MARCHF1: variants seen among roughly 807,000 people sequenced by gnomAD.
MARCHF1 encodes membrane associated ring-CH-type finger 1, also known as E3 ubiquitin-protein ligase MARCHF1.
MARCHF1 carries 40 observed loss-of-function variants against 54.2 expected under a neutral mutation model. The observed-to-expected ratio is 0.74, with a 90% CI of 0.57 to 0.96. The LOEUF (loss-of-function observed/expected upper bound fraction) is 0.96, where lower values mean the gene tolerates loss of function less well. Ranked by LOEUF, MARCHF1 falls within the 40% of genes least tolerant of loss-of-function variation. The pLI, the probability that MARCHF1 is intolerant of heterozygous loss-of-function variation, is 0.00. For synonymous variants in MARCHF1, 236 were observed against 236.3 expected (o/e 1.00, Z 0.01); for missense variants, 586 against 656.5 (o/e 0.89, Z 1.17).
intron 4 of MARCHF1, among the ~76,000 whole-genome samples, chr4:163,822,303 A>G (rs2111057569): frequency 1.3e-5 from 2 of 152,076 alleles, no homozygotes; most frequent in Admixed American, 1.3e-4. Flanking sequence ...ACTTTGTGCA[A>G]CATGCATTCA....
chr4:163,734,036 A>G (rs1320820408), intron 4 of MARCHF1, among the ~76,000 whole-genome samples: 1 of 152,230 alleles, frequency 6.6e-6, no homozygotes, highest in African/African-American at 2.4e-5. Flanking sequence ...ACAGATGTCT[A>G]CTAAGCACAT....
intron 3 of MARCHF1, among the ~76,000 whole-genome samples, chr4:163,870,380 G>A (rs1750143950): frequency 6.6e-6 from 1 of 151,952 alleles, no homozygotes; most frequent in Non-Finnish European, 1.5e-5. Flanking sequence ...TTTAAGATAT[G>A]GACAAATAAG....
At chr4:164,002,673 T>C (rs1753209058) in intron 2 of MARCHF1, among the ~76,000 whole-genome samples, 1 of 151,810 alleles carries the variant, frequency 6.6e-6, no homozygotes, top group South Asian at 2.1e-4. Flanking sequence ...GAAAATTTTC[T>C]AAAATGTATG....
At chr4:163,881,189 A>G (rs551782437) in intron 3 of MARCHF1, among the ~76,000 whole-genome samples, 1 of 152,292 alleles carries the variant, frequency 6.6e-6, no homozygotes, top group African/African-American at 2.4e-5. Flanking sequence ...AAATTATCCA[A>G]CAAGGCCGGG....
At chr4:163,925,397 G>A (rs1391038058) in intron 3 of MARCHF1, among the ~76,000 whole-genome samples, 1 of 151,688 alleles carries the variant, frequency 6.6e-6, no homozygotes, top group Non-Finnish European at 1.5e-5. Flanking sequence ...ACTCCCAAGT[G>A]GAAATGCTCT....
Position 163,527,498 on chromosome 4 carries a change from C to CACA in MARCHF1, c.*1247_*1249dup, listed in dbSNP as rs1388547192. On this transcript the variant is annotated 3_prime_UTR_variant, in exon 10 of 10. Transcript: ENST00000514618. The stretch of plus-strand genomic sequence containing the variant: ...CTTCATAGTAACAATTTATTTATTT[C>CACA]ACAACTCTGCTATAGGCAGATTGAT... 4 of 144,030 alleles carry CACA rather than the reference C, an allele frequency of 2.8e-5. No individual in the cohort carries two copies. Among genetic ancestry groups the CACA allele is most frequent in the African/African-American group, 9.9e-5 (4 of 40,384 alleles). 8.9% of individuals were successfully genotyped at this position (144,030 alleles called of 1,614,324 possible).
intron 5 of MARCHF1, among the ~76,000 whole-genome samples, chr4:163,652,507 G>A (rs1201827612): frequency 2.0e-5 from 3 of 151,622 alleles, no homozygotes; most frequent in East Asian, 1.9e-4. Flanking sequence ...TCCAGCTCTC[G>A]GCAGAGTAGC....
At chr4:163,545,842 G>T in intron 8 of MARCHF1, 99 bp from the exon 9 acceptor site, 1 of 956,172 alleles carries the variant, frequency 1.0e-6, no homozygotes, top group Non-Finnish European at 1.6e-6. Context: ...AAGAAAAACA[G>T]TAAATATCTG....
At chr4:164,253,255 T>G (rs2111249658) in intron 1 of MARCHF1, among the ~76,000 whole-genome samples, 1 of 152,264 alleles carries the variant, frequency 6.6e-6, no homozygotes, top group Non-Finnish European at 1.5e-5. Flanking sequence ...TTGAGAAATC[T>G]TGAAATAGTT....
chr4:164,172,841 C>T (rs966890278), intron 1 of MARCHF1, among the ~76,000 whole-genome samples: 6 of 151,934 alleles, frequency 3.9e-5, no homozygotes, highest in Non-Finnish European at 8.8e-5. Context: ...GCCGGGCCCA[C>T]GTGGTGGCGG....
chr4:163,858,973 T>G (rs1579345983), intron 3 of MARCHF1, among the ~76,000 whole-genome samples: 3 of 152,154 alleles, frequency 2.0e-5, no homozygotes, highest in Admixed American at 2.0e-4. Flanking sequence ...GCAAGTAGGA[T>G]GTTAGGTGTC....
At chr4:163,833,693 G>A (rs1221486513) in intron 4 of MARCHF1, among the ~76,000 whole-genome samples, 2 of 152,100 alleles carry the variant, frequency 1.3e-5, no homozygotes, top group African/African-American at 2.4e-5. Flanking sequence ...CCCAGAGTAG[G>A]TGCTCTGGGA....
chr4:164,059,171 C>A (rs757290981), intron 2 of MARCHF1, among the ~76,000 whole-genome samples: 23 of 152,064 alleles, frequency 1.5e-4, no homozygotes, highest in Non-Finnish European at 2.8e-4. Flanking sequence ...CAGGATCTGC[C>A]TCAAAATATT....
intron 1 of MARCHF1, among the ~76,000 whole-genome samples, chr4:164,325,956 G>T (rs1034742685): frequency 2.6e-5 from 4 of 152,040 alleles, no homozygotes; most frequent in African/African-American, 9.7e-5. Flanking sequence ...GGCTATAACA[G>T]GCACTCAAGC....
chr4:163,756,251 C>A (rs1449672006), intron 4 of MARCHF1, among the ~76,000 whole-genome samples: 1 of 152,018 alleles, frequency 6.6e-6, no homozygotes, highest in Admixed American at 6.6e-5. Context: ...AGAATGTAAT[C>A]CTATTTGTTT....
At chr4:163,567,643 G>A (rs1054414202) in intron 8 of MARCHF1, among the ~76,000 whole-genome samples, 6 of 152,114 alleles carry the variant, frequency 3.9e-5, no homozygotes, top group African/African-American at 1.2e-4. Flanking sequence ...CCTTGCACAA[G>A]TTCTCTTCTC....
intron 2 of MARCHF1, among the ~76,000 whole-genome samples, chr4:163,997,972 C>A (rs1228698376): frequency 2.0e-5 from 3 of 148,792 alleles, no homozygotes; most frequent in Admixed American, 6.7e-5. Flanking sequence ...ATTCTACATG[C>A]AAAATGTCTA....
chr4:163,628,076 T>A (rs571907683), intron 5 of MARCHF1, among the ~76,000 whole-genome samples: 3 of 152,230 alleles, frequency 2.0e-5, no homozygotes, highest in Non-Finnish European at 2.9e-5. Flanking sequence ...AAACTGTTGA[T>A]AAATTAGACA....
chr4:163,578,952 T>C (rs912347162), intron 8 of MARCHF1, among the ~76,000 whole-genome samples: 2 of 152,198 alleles, frequency 1.3e-5, no homozygotes, highest in African/African-American at 4.8e-5. Context: ...TGATGTGAAC[T>C]GAACTCTGAC....
Sources: allele counts gnomAD v4.1 joint callset (sites outside exome capture counted in the v4.1 genomes callset), GRCh38; gene constraint gnomAD v4.1.1; transcripts MANE v1.5; gene names NCBI Gene and HGNC (gene_info 2026-07-23, HGNC 2026-07-21).